The following MROH1 variants were observed in gnomAD, a reference collection of about 807,000 sequenced individuals.
MROH1 encodes the protein maestro heat like repeat family member 1.
A neutral mutation model predicts 116.5 loss-of-function variants in MROH1; 117 were observed. The observed-to-expected ratio is 1.00, with a 90% confidence interval of 0.86 to 1.17. The LOEUF is 1.17. Among genes scored for constraint, MROH1 ranks in the 50% most tolerant of loss-of-function variants. The pLI is 0.00. For synonymous variants in MROH1, 921 were observed against 583.9 expected (o/e 1.58, Z -8.32); for missense variants, 1,873 against 1,338.5 (o/e 1.40, Z -6.23).
At chr8:144,257,281 C>A (rs1481570527) in intron 35 of MROH1, among the ~76,000 whole-genome samples, 1 of 152,286 alleles carries the variant, frequency 6.6e-6, no homozygotes, top group East Asian at 1.9e-4. Context: ...GGAGGGAACC[C>A]GTGAGAGAGA....
intron 4 of MROH1, among the ~76,000 whole-genome samples, chr8:144,168,696 TACTC>T (rs1821640573): frequency 6.6e-6 from 1 of 152,186 alleles, no homozygotes; most frequent in African/African-American, 2.4e-5. Flanking sequence ...CTGCCCCTTT[TACTC>T]ACTAAGTGGA....
At chr8:144,155,799 A>AT (rs1382880803) in intron 1 of MROH1, among the ~76,000 whole-genome samples, 2 of 151,886 alleles carry the variant, frequency 1.3e-5, no homozygotes, top group Middle Eastern at 3.4e-3. Flanking sequence ...ACTCAGGCTA[A>AT]TTTTTGTATT....
chr8:144,244,923 G>T (rs962698685), intron 28 of MROH1, among the ~76,000 whole-genome samples: 2,158 of 152,290 alleles, frequency 0.014, 39 homozygotes, highest in African/African-American at 0.047. Flanking sequence ...GTCCTGGCTG[G>T]CCCTGGATCC....
chr8:144,171,153 C>T (rs1340908566), intron 4 of MROH1, among the ~76,000 whole-genome samples: 1 of 152,174 alleles, frequency 6.6e-6, no homozygotes, highest in Non-Finnish European at 1.5e-5. Flanking sequence ...GGGCTCAGTC[C>T]CACACAACAG....
chr8:144,192,858 C>T, intron 10 of MROH1: 1 of 331,722 alleles, frequency 3.0e-6, no homozygotes, highest in South Asian at 2.3e-5. Flanking sequence ...GGGACCCCTC[C>T]CCAGGTCGGG....
At chr8:144,175,533 C>T (rs1488792270) in intron 4 of MROH1, 16 of 985,486 alleles carry the variant, frequency 1.6e-5, no homozygotes, top group Non-Finnish European at 1.8e-5. Context: ...GTTAATCCAC[C>T]CACTTAGAGC....
At chr8:144,179,044 C>T (rs1207458517) in intron 4 of MROH1, among the ~76,000 whole-genome samples, 3 of 151,958 alleles carry the variant, frequency 2.0e-5, no homozygotes, top group East Asian at 1.9e-4. Context: ...CCGTTGGATA[C>T]AAGCACTAGC....
intron 18 of MROH1, 50 bp from the exon 19 acceptor site, chr8:144,240,051 C>A: frequency 1.3e-6 from 1 of 755,482 alleles, no homozygotes; most frequent in Non-Finnish European, 2.5e-6. Flanking sequence ...GGGCTCTGAG[C>A]CCCACTGGTG....
chr8:144,247,242 G>C, intron 29 of MROH1, 59 bp from the exon 30 acceptor site: 1 of 742,268 alleles, frequency 1.3e-6, no homozygotes, highest in Non-Finnish European at 2.5e-6. Context: ...GGTACAGGTG[G>C]CATAGGTGGC....
At chr8:144,224,111 G>A (rs1212206395) in intron 14 of MROH1, among the ~76,000 whole-genome samples, 2 of 152,186 alleles carry the variant, frequency 1.3e-5, no homozygotes, top group Non-Finnish European at 2.9e-5. Context: ...ATGAACTGGA[G>A]AGCCAAGGCC....
At chr8:144,162,832 C>T (rs1819894290) in intron 2 of MROH1, among the ~76,000 whole-genome samples, 1 of 149,842 alleles carries the variant, frequency 6.7e-6, no homozygotes, top group African/African-American at 2.5e-5. Context: ...AAGTGATTCT[C>T]ATGCCTCAGC....
intron 12 of MROH1, among the ~76,000 whole-genome samples, chr8:144,205,097 C>G (rs1307882464): frequency 6.6e-6 from 1 of 152,068 alleles, no homozygotes; most frequent in Non-Finnish European, 1.5e-5. Context: ...GCTTTGTTGC[C>G]CAGGCTGGTC....
intron 7 of MROH1, among the ~76,000 whole-genome samples, chr8:144,186,036 G>A (rs1162219343): frequency 1.3e-5 from 2 of 152,090 alleles, no homozygotes; most frequent in African/African-American, 4.8e-5. Flanking sequence ...CCCAGGCAGT[G>A]CTCCGTGGGC....
At chr8:144,192,612 C>A in intron 10 of MROH1, 1 of 696,038 alleles carries the variant, frequency 1.4e-6, no homozygotes, top group South Asian at 1.5e-5. Context: ...GGTGACATAG[C>A]AGCCCCCAGG....
chr8:144,203,434 G>T (rs1304923841), intron 12 of MROH1, among the ~76,000 whole-genome samples: 2 of 150,968 alleles, frequency 1.3e-5, no homozygotes, highest in East Asian at 2.0e-4. Flanking sequence ...CTGTGGAGGG[G>T]TTGGGAGGGG....
At chr8:144,223,479 G>A (rs1837224232) in intron 14 of MROH1, among the ~76,000 whole-genome samples, 2 of 152,108 alleles carry the variant, frequency 1.3e-5, no homozygotes, top group Admixed American at 1.3e-4. Context: ...GGGATCAGGA[G>A]ACCCTCCCGC....
In MROH1 at chr8:144,248,948, C is replaced by G. The variant is rs2133116717; in HGVS notation, c.3192C>G (p.Asp1064Glu). Reference protein sequence around the residue: ...LLLTMFEALGDPEKNCSRAAT... With the variant: ...LLLTMFEALGEPEKNCSRAAT... ...TAACCATGTTTGAGGCCCTGGGAGA[C>G]CCCGAAAAGAACTGCTCCCGAGCAG... The change falls in exon 32 of 44, where the codon GAC (aspartate) becomes GAG (glutamate). Residue 1064 changes from aspartate (D) to glutamate (E), a missense_variant. Asp to Glu is a conservative substitution (Grantham distance 45, BLOSUM62 2). Coordinates refer to ENST00000326134, the MANE Select transcript of MROH1 (RefSeq NM_032450.3). 1.3e-6 allele frequency: 1 copy of G among 764,526 alleles called. No individual in the cohort carries two copies. Among genetic ancestry groups the G allele is most frequent in the African/African-American group, 1.7e-5 (1 of 58,838 alleles). The allele number at this position is 764,526 out of a possible 1,614,324, so 47.4% of individuals were successfully genotyped here.
Position 144,192,410 on chromosome 8 carries a change from C to G in MROH1, c.948+9C>G. ...CTGCACTGCACTCCCAGGTAGGAGG[C>G]GGGCGTCAGGGGGCGGGTCCAGGTT... On this transcript the variant is annotated intron_variant, in intron 10 of 43. Transcript: ENST00000326134. The G allele has an allele frequency of 1.3e-6, 2 of 1,577,954 alleles. No individual in the cohort carries two copies. Among genetic ancestry groups the G allele is most frequent in the African/African-American group, 1.3e-5 (1 of 74,474 alleles).
At chr8:144,259,602 GGTACATTTGTAGC>G (rs1844595942) in intron 37 of MROH1, among the ~76,000 whole-genome samples, 2 of 152,228 alleles carry the variant, frequency 1.3e-5, no homozygotes, top group Non-Finnish European at 2.9e-5. Context: ...AGTCCAGCTG[GGTACATTTGTAGC>G]TGGACAGGGC....
Sources: allele counts gnomAD v4.1 joint callset (sites outside exome capture counted in the v4.1 genomes callset), GRCh38; gene constraint gnomAD v4.1.1; transcripts MANE v1.5; gene names NCBI Gene and HGNC (gene_info 2026-07-23, HGNC 2026-07-21).